The following KLHL13 variants were observed in gnomAD, a reference collection of about 807,000 sequenced individuals.
KLHL13 encodes kelch-like protein 13.
In KLHL13, 10 loss-of-function variants were observed where a neutral mutation model predicts 37.1. That is an observed-to-expected ratio of 0.27 (90% CI 0.17 to 0.46). The LOEUF is 0.46. Ranked by LOEUF, KLHL13 falls within the 20% of genes least tolerant of loss-of-function variation. The pLI is 1.00. For missense variants in KLHL13, 360 were observed against 509.3 expected (o/e 0.71, Z 2.82); for synonymous variants, 163 against 181.2 (o/e 0.90, Z 0.81).
chrX:118,042,739 G>GT (rs2054517929), intron 1 of KLHL13, among the ~76,000 whole-genome samples: 1 of 110,960 alleles, frequency 9.0e-6, no homozygotes, highest in Non-Finnish European at 1.9e-5. Context: ...ATAAGATACA[G>GT]TGAAAGCAGT....
At chrX:117,909,314 T>G (rs764144742) in exon 5 of KLHL13, 68 of 1,185,400 alleles carry the variant, frequency 5.7e-5, no homozygotes, top group Non-Finnish European at 7.4e-5. Context: ...GTTCACCTGC[T>G]GCATTTCGCC....
At chrX:117,951,694 A>G (rs1266837946) in intron 1 of KLHL13, among the ~76,000 whole-genome samples, 1 of 112,374 alleles carries the variant, frequency 8.9e-6, no homozygotes, top group East Asian at 2.8e-4. Flanking sequence ...TATGTCTGTC[A>G]CATTTAAAAT....
intron 1 of KLHL13, among the ~76,000 whole-genome samples, chrX:118,040,295 G>A (rs1196691353): frequency 8.9e-6 from 1 of 111,877 alleles, no homozygotes; most frequent in Non-Finnish European, 1.9e-5. Context: ...TAGAGAGACA[G>A]GGATATGTCA....
chrX:117,901,505 T>C (rs1406133979), intron 6 of KLHL13, among the ~76,000 whole-genome samples: 1 of 109,844 alleles, frequency 9.1e-6, no homozygotes, highest in Non-Finnish European at 1.9e-5. Flanking sequence ...TCCGTTTTTC[T>C]GGATTTTTTT....
At chrX:118,038,106 G>C (rs1055016513) in intron 1 of KLHL13, among the ~76,000 whole-genome samples, 2 of 112,313 alleles carry the variant, frequency 1.8e-5, no homozygotes, top group Non-Finnish European at 3.8e-5. Flanking sequence ...ACCAAACAGT[G>C]TCTAACAGAA....
intron 1 of KLHL13, among the ~76,000 whole-genome samples, chrX:117,963,935 C>G (rs1365635981): frequency 1.1e-5 from 1 of 92,229 alleles, no homozygotes; most frequent in Non-Finnish European, 2.1e-5. Context: ...AGTAAACTAT[C>G]GCAAGAACAA....
At chrX:117,905,544 T>A (rs1265055832) in intron 5 of KLHL13, among the ~76,000 whole-genome samples, 3 of 110,321 alleles carry the variant, frequency 2.7e-5, no homozygotes, top group Non-Finnish European at 5.7e-5. Flanking sequence ...CAGTCTTTTT[T>A]TGATGAACAA....
At chrX:118,027,214 C>A (rs1011119524) in intron 1 of KLHL13, among the ~76,000 whole-genome samples, 1 of 111,514 alleles carries the variant, frequency 9.0e-6, no homozygotes, top group African/African-American at 3.3e-5. Context: ...GCAGAAAGTC[C>A]TTCTTCACCA....
chrX:118,015,239 G>A (rs1276875177), intron 1 of KLHL13, among the ~76,000 whole-genome samples: 2 of 111,609 alleles, frequency 1.8e-5, no homozygotes, highest in Non-Finnish European at 3.8e-5. Context: ...TAAAACCTTA[G>A]TTACATTTAA....
At chrX:118,051,466 G>T (rs1456360546) in intron 1 of KLHL13, among the ~76,000 whole-genome samples, 3 of 110,088 alleles carry the variant, frequency 2.7e-5, no homozygotes, top group Admixed American at 9.8e-5. Flanking sequence ...GCATGAACCC[G>T]GGAGGCAGAG....
intron 1 of KLHL13, among the ~76,000 whole-genome samples, chrX:117,993,091 G>T (rs185134060): frequency 8.9e-6 from 1 of 112,369 alleles, no homozygotes; most frequent in East Asian, 2.8e-4. Context: ...AGAGCCCTAA[G>T]TGGACTAGCA....
At chrX:118,007,473 A>G (rs1023571567) in intron 1 of KLHL13, among the ~76,000 whole-genome samples, 24 of 110,302 alleles carry the variant, frequency 2.2e-4, no homozygotes, top group Non-Finnish European at 2.6e-4. Flanking sequence ...ATTTTCAATA[A>G]TGTGCCAGGG....
intron 4 of KLHL13, among the ~76,000 whole-genome samples, chrX:117,913,506 C>T (rs962803256): frequency 8.9e-6 from 1 of 112,352 alleles, no homozygotes; most frequent in African/African-American, 3.2e-5. Flanking sequence ...CACTTAAAAA[C>T]AGAGTTATAA....
chrX:118,095,934 T>C (rs1230075690), intron 1 of KLHL13, among the ~76,000 whole-genome samples: 1 of 112,000 alleles, frequency 8.9e-6, no homozygotes, highest in East Asian at 2.8e-4. Flanking sequence ...AAGCAGTGTG[T>C]AGAGGGAAAT....
chrX:118,054,610 A>G (rs111957527), intron 1 of KLHL13, among the ~76,000 whole-genome samples: 5 of 111,811 alleles, frequency 4.5e-5, no homozygotes, highest in African/African-American at 1.6e-4. Context: ...GTTTATTATC[A>G]CATTTCTTAA....
At chrX:118,012,369 G>A (rs1035665306) in intron 1 of KLHL13, among the ~76,000 whole-genome samples, 3 of 110,770 alleles carry the variant, frequency 2.7e-5, no homozygotes, top group Non-Finnish European at 5.7e-5. Flanking sequence ...GGGAGAGATG[G>A]TTTTCTTGTT....
At chrX:118,029,124 C>T (rs2054307816) in intron 1 of KLHL13, among the ~76,000 whole-genome samples, 1 of 111,362 alleles carries the variant, frequency 9.0e-6, no homozygotes, top group South Asian at 3.8e-4. Flanking sequence ...ACTATTTATA[C>T]AGGAAATTGG....
chrX:117,987,521 A>T (rs1457975226), intron 1 of KLHL13, among the ~76,000 whole-genome samples: 2 of 111,949 alleles, frequency 1.8e-5, no homozygotes, highest in Non-Finnish European at 3.8e-5. Context: ...ACATTCCATT[A>T]TGCTCAGTGT....
At chrX:118,062,377 T>G (rs960803787) in intron 1 of KLHL13, among the ~76,000 whole-genome samples, 3 of 110,926 alleles carry the variant, frequency 2.7e-5, no homozygotes, top group African/African-American at 9.8e-5. Flanking sequence ...GGTTATTTAT[T>G]CTAACATTTT....
Sources: gnomAD v4.1 joint callset for allele counts (sites outside exome capture counted in the v4.1 genomes callset) on GRCh38, gnomAD v4.1.1 for gene constraint, MANE v1.5 for transcripts, NCBI Gene and HGNC (gene_info 2026-07-23, HGNC 2026-07-21) for gene names.